The following CEP85L variants were observed in gnomAD, a reference collection of about 807,000 sequenced individuals.
CEP85L encodes centrosomal protein of 85 kDa-like.
Under a neutral mutation model 100.3 loss-of-function variants are expected in CEP85L, and 60 were observed. The ratio of observed to expected loss-of-function variants is 0.60; its 90% confidence interval spans 0.49 to 0.74. CEP85L has a LOEUF of 0.74. CEP85L is among the 30% of genes least tolerant of loss of function. CEP85L has a pLI of 0.00. For synonymous variants in CEP85L, 319 were observed against 322.7 expected, an observed-to-expected ratio of 0.99 and a Z score of 0.12; for missense variants, 973 against 936.2, an observed-to-expected ratio of 1.04 and a Z score of -0.51.
intron 2 of CEP85L, among the ~76,000 whole-genome samples, chr6:118,568,776 A>G (rs1312255995): frequency 6.6e-6 from 1 of 152,212 alleles, no homozygotes; most frequent in Non-Finnish European, 1.5e-5. Context: ...ATAAAGGGGA[A>G]TATGCTACTG....
intron 2 of CEP85L, among the ~76,000 whole-genome samples, chr6:118,599,942 T>C (rs930630926): frequency 6.6e-6 from 1 of 151,918 alleles, no homozygotes; most frequent in Non-Finnish European, 1.5e-5. Flanking sequence ...TAAGAAAACA[T>C]TACAATTAAA....
At chr6:118,477,545 C>G (rs1562178534) in intron 10 of CEP85L, among the ~76,000 whole-genome samples, 1 of 152,018 alleles carries the variant, frequency 6.6e-6, no homozygotes, top group Non-Finnish European at 1.5e-5. Context: ...TGTACATAGC[C>G]TGGGATTTTT....
At position 118,672,239 on chromosome 6, in the gene CEP85L, C is replaced by T. The variant is rs1018025542; in HGVS notation, c.-27-19431G>A. On this transcript the variant is annotated intron_variant, in intron 1 of 13. Transcript: ENST00000368488. ...TTTTAGTAGAGATGGGGTTTTGCCACGTTGGCCAGGCAAGTCTCGAACTCC... is the reference window on the plus strand; with the variant it reads ...TTTTAGTAGAGATGGGGTTTTGCCATGTTGGCCAGGCAAGTCTCGAACTCC... Among the ~76,000 whole-genome samples, 8 of 152,046 alleles carry T rather than the reference C, an allele frequency of 5.3e-5. No homozygotes were observed. The South Asian group carries it at 1.2e-3, about 24-fold the overall frequency.
chr6:118,549,857 T>C (rs1057045016), intron 3 of CEP85L, among the ~76,000 whole-genome samples: 3 of 151,914 alleles, frequency 2.0e-5, no homozygotes, highest in Non-Finnish European at 4.4e-5. Flanking sequence ...GCAGAAATTA[T>C]ATTAAACTTA....
At chr6:118,633,233 C>T (rs1211971209) in intron 1 of CEP85L, among the ~76,000 whole-genome samples, 2 of 145,030 alleles carry the variant, frequency 1.4e-5, no homozygotes, top group South Asian at 2.2e-4. Flanking sequence ...AGACGAGTCT[C>T]GCTGTCACCC....
intron 6 of CEP85L, among the ~76,000 whole-genome samples, chr6:118,488,992 G>C (rs1199677034): frequency 6.6e-6 from 1 of 152,182 alleles, no homozygotes; most frequent in African/African-American, 2.4e-5. Context: ...GAGTGGCTGG[G>C]TGTAGTGGCT....
chr6:118,478,628 T>C (rs1773561084), intron 10 of CEP85L, among the ~76,000 whole-genome samples: 1 of 152,166 alleles, frequency 6.6e-6, no homozygotes, highest in Non-Finnish European at 1.5e-5. Context: ...TGGAAATAAA[T>C]GCATCTCATT....
chr6:118,481,980 C>T lies in CEP85L; in HGVS notation c.1591-47G>A, dbSNP rs772147351. 5.1e-6 allele frequency: 6 copies of T among 1,185,798 alleles called. No homozygotes were observed. The East Asian group carries it at 8.3e-5, about 16-fold the overall frequency. 73.5% of individuals were successfully genotyped at this position (1,185,798 alleles called of 1,614,324 possible). The stretch of plus-strand genomic sequence containing the variant: ...TTCATTACACATGAAATATTAAATA[C>T]GCTTCTATTAGAAACTGTTACTGTG... On this transcript the variant is annotated intron_variant, in intron 7 of 12. Transcript: ENST00000368491.
At chr6:118,693,752 T>C (rs906427172) in intron 1 of CEP85L, among the ~76,000 whole-genome samples, 30 of 152,328 alleles carry the variant, frequency 2.0e-4, no homozygotes, top group African/African-American at 6.3e-4. Flanking sequence ...GCTGGCCCAA[T>C]TGGCATTATG....
intron 1 of CEP85L, among the ~76,000 whole-genome samples, chr6:118,668,906 C>G (rs915335910): frequency 6.6e-6 from 1 of 152,118 alleles, no homozygotes; most frequent in African/African-American, 2.4e-5. Flanking sequence ...GAAAAGCTAC[C>G]CTGTAGCCTG....
At chr6:118,618,693 A>G (rs971653424) in intron 2 of CEP85L, among the ~76,000 whole-genome samples, 1 of 152,168 alleles carries the variant, frequency 6.6e-6, no homozygotes, top group African/African-American at 2.4e-5. Flanking sequence ...CCTTTGATGG[A>G]AAGTGGGGAC....
intron 1 of CEP85L, among the ~76,000 whole-genome samples, chr6:118,638,477 A>C (rs917515291): frequency 6.6e-6 from 1 of 151,676 alleles, no homozygotes; most frequent in African/African-American, 2.4e-5. Flanking sequence ...AGTACATGTG[A>C]AATATGCTGA....
Position 118,632,606 on chromosome 6 carries a change from C to T in CEP85L, c.79G>A (p.Asp27Asn), listed in dbSNP as rs1163104552. 2 of 1,606,878 alleles carry T rather than the reference C, an allele frequency of 1.2e-6. No individual in the cohort carries two copies. The highest frequency in any genetic ancestry group is 2.2e-5 in the East Asian group (1 of 44,772). The change falls in exon 2 of 13, where the codon GAT becomes AAT. Residue 27 changes from aspartate (D) to asparagine (N), a missense_variant. Asp to Asn is a conservative substitution (Grantham distance 23). This residue lies in a region of CEP85L where 79 missense variants were observed against 73.3 expected (regional missense o/e 1.08). Coordinates refer to ENST00000368491, the MANE Select transcript of CEP85L (RefSeq NM_001042475.3). The stretch of plus-strand genomic sequence containing the variant: ...GCAGGTAGCCATGCTGATGAATAAT[C>T]TGGGCCTAAAAAGGGAAATATGTAA... ...GGARSFPAGP[D>N]YSSAWLPANE...
chr6:118,552,275 A>C (rs568282020), intron 3 of CEP85L, among the ~76,000 whole-genome samples: 1 of 152,112 alleles, frequency 6.6e-6, no homozygotes, highest in African/African-American at 2.4e-5. Context: ...TTATTTCAGC[A>C]AAAGGAATAC....
At chr6:118,531,238 A>G (rs915239582) in intron 3 of CEP85L, among the ~76,000 whole-genome samples, 1 of 152,076 alleles carries the variant, frequency 6.6e-6, no homozygotes, top group Non-Finnish European at 1.5e-5. Context: ...CAACGTCAAC[A>G]AAAACAATCA....
At chr6:118,652,065 A>G (rs1242978010), upstream of CEP85L, among the ~76,000 whole-genome samples, 2 of 152,202 alleles carry the variant, frequency 1.3e-5, no homozygotes, top group Admixed American at 6.5e-5. Context: ...TTAGGGGCAG[A>G]AAAGGGGTGG....
chr6:118,543,889 G>A (rs1583014959), intron 3 of CEP85L, among the ~76,000 whole-genome samples: 1 of 152,196 alleles, frequency 6.6e-6, no homozygotes, highest in Non-Finnish European at 1.5e-5. Flanking sequence ...GAGTCACAAC[G>A]AAGGGTAGAA....
chr6:118,476,541 G>A (rs1208214462), intron 10 of CEP85L, among the ~76,000 whole-genome samples: 1 of 152,074 alleles, frequency 6.6e-6, no homozygotes, highest in Non-Finnish European at 1.5e-5. Flanking sequence ...ATTTAAAGGA[G>A]TTATGTTCTA....
At chr6:118,708,630 T>C (rs1216786036) in intron 1 of CEP85L, among the ~76,000 whole-genome samples, 3 of 152,234 alleles carry the variant, frequency 2.0e-5, no homozygotes, top group Non-Finnish European at 4.4e-5. Context: ...GCACAGAACC[T>C]ACTCTTGAAA....
Sources: gnomAD v4.1 joint callset for allele counts (sites outside exome capture counted in the v4.1 genomes callset) on GRCh38, gnomAD v4.1.1 for gene constraint, gnomAD v4.1.1 regional missense constraint, MANE v1.5 for transcripts, NCBI Gene and HGNC (gene_info 2026-07-23, HGNC 2026-07-21) for gene names.